The following PDE1A variants were observed in gnomAD, a reference collection of about 807,000 sequenced individuals.
PDE1A encodes the protein dual specificity calcium/calmodulin-dependent 3',5'-cyclic nucleotide phosphodiesterase 1A.
In PDE1A, 35 loss-of-function variants were observed where a neutral mutation model predicts 61.7. That is an observed-to-expected ratio of 0.57 (90% CI 0.43 to 0.75). The LOEUF is 0.75. PDE1A is among the 30% of genes least tolerant of loss of function. The probability of loss-of-function intolerance (pLI) is 0.00; values close to 1 mark genes in which losing one functional copy is unlikely to be tolerated. For missense variants in PDE1A, 597 were observed against 630.6 expected (o/e 0.95, Z 0.57); for synonymous variants, 232 against 213.2 (o/e 1.09, Z -0.77).
intron 13 of PDE1A, among the ~76,000 whole-genome samples, chr2:182,168,878 G>A (rs1489558295): frequency 1.3e-5 from 2 of 151,968 alleles, no homozygotes; most frequent in Non-Finnish European, 2.9e-5. Flanking sequence ...CAGACCGGAA[G>A]GGCTAATGCT....
chr2:182,515,918 G>A (rs938768950), intron 2 of PDE1A, among the ~76,000 whole-genome samples: 1 of 151,406 alleles, frequency 6.6e-6, no homozygotes, highest in African/African-American at 2.4e-5. Context: ...GTGAGGCAGG[G>A]CTTCACCACT....
intron 1 of PDE1A, among the ~76,000 whole-genome samples, chr2:182,373,449 GA>G (rs371026998): frequency 2.6e-5 from 4 of 152,244 alleles, no homozygotes; most frequent in African/African-American, 7.2e-5. Context: ...TCAAAAACTG[GA>G]AAAACTTAAT....
At chr2:182,202,810 C>CA (rs932803253) in intron 8 of PDE1A, among the ~76,000 whole-genome samples, 1 of 152,166 alleles carries the variant, frequency 6.6e-6, no homozygotes, top group African/African-American at 2.4e-5. Flanking sequence ...TAAGGCACCC[C>CA]AGCAAAGCCT....
the PDE1A span, among the ~76,000 whole-genome samples, chr2:182,541,368 G>A: frequency 6.6e-6 from 1 of 152,150 alleles, no homozygotes; most frequent in African/African-American, 2.4e-5. Flanking sequence ...AAAGCCAACA[G>A]AGATTAAGAT....
chr2:182,565,466 G>T, the PDE1A span, among the ~76,000 whole-genome samples: 3 of 152,202 alleles, frequency 2.0e-5, no homozygotes, highest in East Asian at 3.9e-4. Context: ...TGCCCCTACT[G>T]GGGGGTGCCT....
chr2:182,397,377 C>CA (rs1701766484), intron 1 of PDE1A, among the ~76,000 whole-genome samples: 1 of 151,888 alleles, frequency 6.6e-6, no homozygotes, highest in African/African-American at 2.4e-5. Context: ...GCCATATCCC[C>CA]AAAAGTGATT....
chr2:182,713,885 A>G, the PDE1A span, among the ~76,000 whole-genome samples: 2 of 152,128 alleles, frequency 1.3e-5, no homozygotes, highest in African/African-American at 4.8e-5. Flanking sequence ...CCATTTCCTC[A>G]GCTCCTAGCC....
the PDE1A span, among the ~76,000 whole-genome samples, chr2:182,592,392 C>T: frequency 6.6e-6 from 1 of 152,156 alleles, no homozygotes; most frequent in Admixed American, 6.5e-5. Flanking sequence ...AAAAGTTTTG[C>T]AAGTATATAA....
chr2:182,431,137 A>C (rs1469722053), upstream of PDE1A, among the ~76,000 whole-genome samples: 40 of 150,810 alleles, frequency 2.7e-4, no homozygotes, highest in South Asian at 6.8e-3. Flanking sequence ...AAAAAAAAAA[A>C]AAAACACAAC....
At chr2:182,515,252 A>C (rs1327286503) in intron 2 of PDE1A, among the ~76,000 whole-genome samples, 1 of 152,160 alleles carries the variant, frequency 6.6e-6, no homozygotes, top group Non-Finnish European at 1.5e-5. Flanking sequence ...TGCTTTTTAT[A>C]ATTTACTTTT....
intron 1 of PDE1A, among the ~76,000 whole-genome samples, chr2:182,329,559 T>G (rs868774840): frequency 1.3e-5 from 2 of 152,046 alleles, no homozygotes; most frequent in South Asian, 4.2e-4. Flanking sequence ...CGAGCTAATT[T>G]TTTGTATTTT....
chr2:182,502,146 G>A (rs575309216), intron 2 of PDE1A, among the ~76,000 whole-genome samples: 3 of 152,084 alleles, frequency 2.0e-5, no homozygotes, highest in South Asian at 4.1e-4. Context: ...CTTTAATTTC[G>A]CTGAGTAAAT....
chr2:182,463,307 T>C (rs1686433729), intron 2 of PDE1A, among the ~76,000 whole-genome samples: 3 of 151,704 alleles, frequency 2.0e-5, no homozygotes, highest in Admixed American at 2.0e-4. Context: ...GGTCTCAATG[T>C]ATCTGAAAAT....
At chr2:182,590,243 G>T in the PDE1A span, among the ~76,000 whole-genome samples, 1 of 152,150 alleles carries the variant, frequency 6.6e-6, no homozygotes, top group East Asian at 1.9e-4. Flanking sequence ...AGGCAGAGGG[G>T]ACTGCTTGAG....
chr2:182,308,233 G>A (rs571332342), intron 1 of PDE1A, among the ~76,000 whole-genome samples: 17 of 152,034 alleles, frequency 1.1e-4, no homozygotes, highest in Admixed American at 2.6e-4. Flanking sequence ...ATAATAACTA[G>A]GAAACATAAA....
intron 2 of PDE1A, among the ~76,000 whole-genome samples, chr2:182,517,553 A>G (rs1262579637): frequency 6.6e-6 from 1 of 152,254 alleles, no homozygotes; most frequent in Non-Finnish European, 1.5e-5. Flanking sequence ...TGAAGTGAGC[A>G]TAGCTCTTGC....
chr2:182,520,972 A>G (rs1359601969), intron 2 of PDE1A, among the ~76,000 whole-genome samples: 3 of 152,062 alleles, frequency 2.0e-5, no homozygotes, highest in Admixed American at 6.6e-5. Context: ...AATGGATCTT[A>G]GAAACAGATT....
At chr2:182,427,379 G>C (rs1319615406), upstream of PDE1A, among the ~76,000 whole-genome samples, 2 of 152,076 alleles carry the variant, frequency 1.3e-5, no homozygotes, top group Non-Finnish European at 2.9e-5. Context: ...GCTGACCAGA[G>C]CTACAAAAGT....
intron 1 of PDE1A, among the ~76,000 whole-genome samples, chr2:182,378,047 C>T (rs1018289875): frequency 6.6e-6 from 1 of 152,046 alleles, no homozygotes; most frequent in Non-Finnish European, 1.5e-5. Context: ...GGGGTTTCAC[C>T]GTGTTAGCCA....
Sources: allele counts gnomAD v4.1 joint callset (sites outside exome capture counted in the v4.1 genomes callset), GRCh38; gene constraint gnomAD v4.1.1; transcripts MANE v1.5; gene names NCBI Gene and HGNC (gene_info 2026-07-23, HGNC 2026-07-21).